The following TTLL5 variants were observed in gnomAD, a reference collection of about 807,000 sequenced individuals.
The protein encoded by TTLL5 is tubulin polyglutamylase TTLL5.
A neutral mutation model predicts 168.4 loss-of-function variants in TTLL5; 132 were observed. The ratio of observed to expected loss-of-function variants is 0.78; its 90% confidence interval spans 0.68 to 0.91. The LOEUF (loss-of-function observed/expected upper bound fraction) is 0.91, where lower values mean the gene tolerates loss of function less well. Among genes scored for constraint, TTLL5 ranks in the 40% least tolerant of loss-of-function variants. The probability of loss-of-function intolerance (pLI) is 0.00; values close to 1 mark genes in which losing one functional copy is unlikely to be tolerated. For missense variants in TTLL5, 1,545 were observed against 1,581.5 expected (o/e 0.98, Z 0.39); for synonymous variants, 546 against 558.6 (o/e 0.98, Z 0.32).
At chr14:75,822,818 T>C (rs1894905858) in intron 28 of TTLL5, among the ~76,000 whole-genome samples, 1 of 152,166 alleles carries the variant, frequency 6.6e-6, no homozygotes, top group Non-Finnish European at 1.5e-5. Context: ...CTCAAATCCC[T>C]TGGTTCCTTT....
intron 18 of TTLL5, among the ~76,000 whole-genome samples, chr14:75,762,167 G>T (rs1043287179): frequency 1.3e-5 from 2 of 152,002 alleles, no homozygotes; most frequent in Non-Finnish European, 1.5e-5. Flanking sequence ...AGGCCGAGGC[G>T]GGTGGATCAC....
At chr14:75,701,642 A>C (rs941445317) in intron 7 of TTLL5, among the ~76,000 whole-genome samples, 2 of 152,146 alleles carry the variant, frequency 1.3e-5, no homozygotes, top group Non-Finnish European at 2.9e-5. Flanking sequence ...TTTTGTGTGT[A>C]CTGGTGATAA....
At chr14:75,758,575 A>G (rs533507792) in intron 18 of TTLL5, among the ~76,000 whole-genome samples, 3 of 152,312 alleles carry the variant, frequency 2.0e-5, no homozygotes, top group Admixed American at 1.3e-4. Context: ...CACTCATTTT[A>G]TATTGCCATC....
chr14:75,787,168 G>A (rs995319863), intron 26 of TTLL5, among the ~76,000 whole-genome samples: 2 of 151,896 alleles, frequency 1.3e-5, no homozygotes, highest in African/African-American at 2.4e-5. Flanking sequence ...TGTAAATCAA[G>A]TCCAAATATA....
chr14:75,703,923 C>CGA (rs1322514182), intron 7 of TTLL5, among the ~76,000 whole-genome samples: 1 of 152,166 alleles, frequency 6.6e-6, no homozygotes, highest in African/African-American at 2.4e-5. Flanking sequence ...ACTCAGTACT[C>CGA]TGAGTAGAAT....
chr14:75,850,675 C>T (rs1490327204), intron 28 of TTLL5, among the ~76,000 whole-genome samples: 3 of 151,752 alleles, frequency 2.0e-5, no homozygotes, highest in South Asian at 2.1e-4. Flanking sequence ...CAGGATTCAC[C>T]GTGATTTAAA....
At chr14:75,948,731 G>A (rs1372422263) in intron 31 of TTLL5, among the ~76,000 whole-genome samples, 1 of 152,070 alleles carries the variant, frequency 6.6e-6, no homozygotes, top group Non-Finnish European at 1.5e-5. Flanking sequence ...ACAGTTGAGA[G>A]GAATGAGTTA....
In TTLL5 at chr14:75,779,650, C is replaced by G; in HGVS notation, c.2463C>G (p.His821Gln). The G allele has an allele frequency of 7.4e-6, 12 of 1,613,702 alleles. No individual in the cohort carries two copies. The highest frequency in any genetic ancestry group is 1.3e-5 in the African/African-American group (1 of 74,998). ...NKSASVFLGT[H>Q]SKISKNNNNY... ...CTGCTAGTGTCTTCCTGGGGACTCA[C>G]TCTAAAATTTCTAAGAACAACAACA... The change falls in exon 24 of 32, where the codon CAC becomes CAG. Residue 821 changes from histidine (H) to glutamine (Q), a missense_variant. His to Gln is a conservative substitution (Grantham distance 24, BLOSUM62 0). Transcript: ENST00000298832.
intron 18 of TTLL5, among the ~76,000 whole-genome samples, chr14:75,757,229 C>T (rs538803432): frequency 6.6e-6 from 1 of 152,306 alleles, no homozygotes; most frequent in South Asian, 2.1e-4. Context: ...CCCCCTGCTT[C>T]GGCCAGCCAA....
intron 31 of TTLL5, among the ~76,000 whole-genome samples, chr14:75,910,078 AT>A (rs1363208884): frequency 6.6e-6 from 1 of 152,248 alleles, no homozygotes; most frequent in Non-Finnish European, 1.5e-5. Context: ...AGAGAACTCC[AT>A]TTCTAAAATG....
intron 31 of TTLL5, among the ~76,000 whole-genome samples, chr14:75,908,625 T>C (rs890640327): frequency 6.6e-6 from 1 of 152,110 alleles, no homozygotes; most frequent in African/African-American, 2.4e-5. Context: ...TGCTGAAGGA[T>C]ATTAGGAGCA....
intron 18 of TTLL5, chr14:75,757,758 C>A: frequency 7.3e-7 from 1 of 1,364,540 alleles, no homozygotes; most frequent in Non-Finnish European, 9.8e-7. Flanking sequence ...TTCTGGAGTG[C>A]ATGTGTGTGT....
At chr14:75,715,348 G>A (rs1887367309) in intron 9 of TTLL5, among the ~76,000 whole-genome samples, 1 of 148,448 alleles carries the variant, frequency 6.7e-6, no homozygotes, top group South Asian at 2.1e-4. Flanking sequence ...AGGAAGGTCT[G>A]ATTTTTATAT....
rs1216872420 is a variant in TTLL5 at position 75,826,845 on chromosome 14, A to AC, written c.3326+6684_3326+6685insC. Among the ~76,000 whole-genome samples, 3 of 152,178 alleles carry AC rather than the reference A, an allele frequency of 2.0e-5. No individual in the cohort carries two copies. The East Asian group carries it at 5.8e-4, about 29-fold the overall frequency. On this transcript the variant is annotated intron_variant, in intron 28 of 31. Coordinates refer to ENST00000298832, the MANE Select transcript of TTLL5 (RefSeq NM_015072.5). ...TGACTCATGTAGAAGAACATTGATGATCCATATTTAAAGCTTACCTAGTAT... is the reference window on the plus strand; with the variant it reads ...TGACTCATGTAGAAGAACATTGATGACTCCATATTTAAAGCTTACCTAGTAT...
At chr14:75,928,307 G>A (rs2034144026) in intron 31 of TTLL5, among the ~76,000 whole-genome samples, 1 of 125,686 alleles carries the variant, frequency 8.0e-6, no homozygotes, top group African/African-American at 3.1e-5. Context: ...TTAAATTATG[G>A]CACAGCTAGC....
At chr14:75,707,565 G>A in intron 8 of TTLL5, 58 bp from the exon 9 acceptor site, 7 of 1,500,562 alleles carry the variant, frequency 4.7e-6, no homozygotes, top group Non-Finnish European at 6.4e-6. Flanking sequence ...TGTTTATTCT[G>A]TAACAGGAAA....
intron 31 of TTLL5, among the ~76,000 whole-genome samples, chr14:75,925,383 G>C (rs2034003973): frequency 7.0e-6 from 1 of 142,028 alleles, no homozygotes; most frequent in African/African-American, 2.7e-5. Flanking sequence ...ACGGGGTCGC[G>C]ACCGGGCAGA....
chr14:75,827,689 AC>A (rs1161509669), intron 28 of TTLL5, among the ~76,000 whole-genome samples: 7 of 138,816 alleles, frequency 5.0e-5, no homozygotes, highest in Non-Finnish European at 9.2e-5. Context: ...AATAATCAAT[AC>A]CACATTTGGC....
At chr14:75,719,881 T>C in intron 11 of TTLL5, 55 bp downstream of exon 11, 1 of 1,531,722 alleles carries the variant, frequency 6.5e-7, no homozygotes, top group Admixed American at 1.7e-5. Context: ...AACTTTATCA[T>C]TGTCTCTTGC....
Sources: allele counts gnomAD v4.1 joint callset (sites outside exome capture counted in the v4.1 genomes callset), GRCh38; gene constraint gnomAD v4.1.1; transcripts MANE v1.5; gene names NCBI Gene and HGNC (gene_info 2026-07-23, HGNC 2026-07-21).